The following PCDHA10 variants were observed in gnomAD, a reference collection of about 807,000 sequenced individuals.
The protein encoded by PCDHA10 is protocadherin alpha-10.
A neutral mutation model predicts 61.2 loss-of-function variants in PCDHA10; 45 were observed. The observed-to-expected ratio is 0.74, with a 90% CI of 0.58 to 0.94. The LOEUF is 0.94. Ranked by LOEUF, PCDHA10 falls within the 40% of genes least tolerant of loss-of-function variation. The pLI, the probability that PCDHA10 is intolerant of heterozygous loss-of-function variation, is 0.00. For synonymous variants in PCDHA10, 602 were observed against 548.8 expected (o/e 1.10, Z -1.35); for missense variants, 1,278 against 1,236.2 (o/e 1.03, Z -0.51).
intron 1 of PCDHA10, chr5:140,871,206 C>T (rs781837610): frequency 2.5e-6 from 4 of 1,613,668 alleles, no homozygotes; most frequent in African/African-American, 1.3e-5. Flanking sequence ...ACCTGATCAT[C>T]GCCATCTGCG....
chr5:140,885,385 T>C (rs2060578484), intron 1 of PCDHA10, among the ~76,000 whole-genome samples: 1 of 152,194 alleles, frequency 6.6e-6, no homozygotes, highest in South Asian at 2.1e-4. Flanking sequence ...TGGCAGTCCC[T>C]GCAAATCTAA....
At chr5:140,931,235 C>T (rs1563126725) in intron 1 of PCDHA10, among the ~76,000 whole-genome samples, 1 of 152,116 alleles carries the variant, frequency 6.6e-6, no homozygotes, top group Non-Finnish European at 1.5e-5. Flanking sequence ...AATATGTGAA[C>T]ACTTTTCCTA....
intron 3 of PCDHA10, among the ~76,000 whole-genome samples, chr5:141,005,512 G>C (rs1015892170): frequency 6.6e-6 from 1 of 151,536 alleles, no homozygotes; most frequent in Non-Finnish European, 1.5e-5. Flanking sequence ...GACCATCCTG[G>C]CTAACACGGT....
At chr5:140,960,079 A>G (rs1006555188) in intron 1 of PCDHA10, among the ~76,000 whole-genome samples, 1 of 152,228 alleles carries the variant, frequency 6.6e-6, no homozygotes, top group African/African-American at 2.4e-5. Flanking sequence ...TGAAGTTTCT[A>G]AAAGAGAAAG....
At chr5:140,962,169 C>T (rs2095662298) in intron 1 of PCDHA10, among the ~76,000 whole-genome samples, 1 of 152,152 alleles carries the variant, frequency 6.6e-6, no homozygotes, top group Non-Finnish European at 1.5e-5. Flanking sequence ...GCCACCACAC[C>T]CGGCCACTTA....
intron 3 of PCDHA10, among the ~76,000 whole-genome samples, chr5:140,994,216 G>A (rs2097604981): frequency 6.6e-6 from 1 of 152,178 alleles, no homozygotes; most frequent in Non-Finnish European, 1.5e-5. Flanking sequence ...GGGACCCAGG[G>A]TCTGTCTATG....
intron 3 of PCDHA10, among the ~76,000 whole-genome samples, chr5:141,000,423 T>TC (rs2097932931): frequency 9.0e-5 from 6 of 66,856 alleles, no homozygotes; most frequent in African/African-American, 3.6e-4. Flanking sequence ...ATATATATAT[T>TC]TTTTTTTTTT....
At chr5:140,871,265 G>A (rs2052892595) in intron 1 of PCDHA10, 8 of 1,613,978 alleles carry the variant, frequency 5.0e-6, no homozygotes, top group Non-Finnish European at 6.8e-6. Flanking sequence ...ACGGCGCTGT[G>A]GTGGTCGGCA....
At chr5:140,884,954 T>C (rs2060416589) in intron 1 of PCDHA10, among the ~76,000 whole-genome samples, 1 of 152,208 alleles carries the variant, frequency 6.6e-6, no homozygotes, top group Non-Finnish European at 1.5e-5. Context: ...TTACAAAAAA[T>C]TCCTCACGTT....
chr5:140,887,286 T>TG (rs1171397329), intron 1 of PCDHA10, among the ~76,000 whole-genome samples: 1 of 151,952 alleles, frequency 6.6e-6, no homozygotes, highest in Non-Finnish European at 1.5e-5. Context: ...TTAGTAGAGA[T>TG]GGGGTTTCAT....
intron 1 of PCDHA10, among the ~76,000 whole-genome samples, chr5:140,916,143 T>A (rs1237563249): frequency 4.6e-5 from 7 of 152,012 alleles, no homozygotes; most frequent in Non-Finnish European, 8.8e-5. Context: ...GCTGTTCAGT[T>A]GTGTTGTGGT....
intron 1 of PCDHA10, chr5:140,867,287 A>T (rs1264218929): frequency 1.3e-5 from 2 of 152,110 alleles, no homozygotes; most frequent in African/African-American, 2.4e-5. Context: ...ATGTGCTTCA[A>T]ATATCATGTT....
chr5:141,009,116 T>C (rs1382527068), intron 3 of PCDHA10, among the ~76,000 whole-genome samples: 1 of 152,236 alleles, frequency 6.6e-6, no homozygotes, highest in African/African-American at 2.4e-5. Flanking sequence ...TGAAACTAGA[T>C]TCTTGGTATC....
At chr5:141,000,757 C>A (rs1236279352) in intron 3 of PCDHA10, among the ~76,000 whole-genome samples, 1 of 151,158 alleles carries the variant, frequency 6.6e-6, no homozygotes, top group Non-Finnish European at 1.5e-5. Flanking sequence ...AAAAAAAAAT[C>A]TTAGCCAGGC....
chr5:140,897,964 T>A (rs1554187709), intron 1 of PCDHA10, among the ~76,000 whole-genome samples: 1 of 152,236 alleles, frequency 6.6e-6, no homozygotes, highest in South Asian at 2.1e-4. Flanking sequence ...TTTTCATGTG[T>A]CTTTTGGCTG....
At position 140,967,486 on chromosome 5, in the gene PCDHA10, G is replaced by A. The variant is rs782309199; in HGVS notation, c.2389-11463G>A. The A allele has an allele frequency of 2.5e-6, 4 of 1,612,986 alleles. No individual in the cohort carries two copies. The African/African-American group carries it at 4.0e-5, about 16-fold the overall frequency. ...GGGGCATCCCAGCCCGCTCGGGTAC[G>A]GCACAGATCTCTGTGCGTGTCCTGG... On this transcript the variant is annotated intron_variant, in intron 1 of 3. Coordinates refer to ENST00000307360, the MANE Select transcript of PCDHA10 (RefSeq NM_018901.4).
chr5:140,978,688 G>A (rs1258023605), intron 1 of PCDHA10, among the ~76,000 whole-genome samples: 2 of 152,238 alleles, frequency 1.3e-5, no homozygotes, highest in African/African-American at 4.8e-5. Context: ...TATTGGGCAA[G>A]GCAAAGCCAA....
At chr5:141,007,395 C>CAAAAAA (rs35800918) in intron 3 of PCDHA10, among the ~76,000 whole-genome samples, 36 of 94,826 alleles carry the variant, frequency 3.8e-4, no homozygotes, top group African/African-American at 6.0e-4. Context: ...TACTAAAATA[C>CAAAAAA]AAAAAAAAAA....
intron 1 of PCDHA10, chr5:140,930,304 A>G (rs1554207720): frequency 6.6e-6 from 1 of 152,236 alleles, no homozygotes. Flanking sequence ...ATAAGTAAAT[A>G]TCATATTTGA....
Sources: gnomAD v4.1 joint callset for allele counts (sites outside exome capture counted in the v4.1 genomes callset) on GRCh38, gnomAD v4.1.1 for gene constraint, MANE v1.5 for transcripts, NCBI Gene and HGNC (gene_info 2026-07-23, HGNC 2026-07-21) for gene names.